C2orf76: variants seen among roughly 807,000 people sequenced by gnomAD.
C2orf76 encodes the protein UPF0538 protein C2orf76.
Under a neutral mutation model 16.9 loss-of-function variants are expected in C2orf76, and 23 were observed. The observed-to-expected ratio is 1.36, with a 90% CI of 0.98 to 1.93. The LOEUF is 1.93. Among genes scored for constraint, C2orf76 ranks in the 30% most tolerant of loss-of-function variants. The pLI is 0.00. For missense variants in C2orf76, 152 were observed against 152.6 expected (o/e 1.00, Z 0.02); for synonymous variants, 48 against 52.3 (o/e 0.92, Z 0.35).
intron 5 of C2orf76, among the ~76,000 whole-genome samples, chr2:119,302,849 T>C (rs1285009108): frequency 6.6e-6 from 1 of 152,146 alleles, no homozygotes; most frequent in Non-Finnish European, 1.5e-5. Flanking sequence ...ATCATAAAAT[T>C]GCTCATTTAC....
In C2orf76 at chr2:119,303,359, G is replaced by C. The variant is rs111541910; in HGVS notation, c.305-811C>G. Among the ~76,000 whole-genome samples, 176 of 152,346 alleles carry C rather than the reference G, an allele frequency of 1.2e-3. 2 individuals are homozygous for C. Among genetic ancestry groups the C allele is most frequent in the African/African-American group, 4.1e-3 (171 of 41,574 alleles). On this transcript the variant is annotated intron_variant, in intron 5 of 5. Coordinates refer to ENST00000334816, the MANE Select transcript of C2orf76 (RefSeq NM_001322331.2). ...TAAACATGCAATTCTTTAAGGTGTT[G>C]TGCCAACAAGTTCCACATTCATTTT...
chr2:119,306,108 C>T (rs3816343), intron 5 of C2orf76, among the ~76,000 whole-genome samples: 54,851 of 152,034 alleles, frequency 0.36, 10,308 homozygotes, highest in South Asian at 0.42. Context: ...CCCACATTAC[C>T]GAGTAACCAG....
intron 2 of C2orf76, among the ~76,000 whole-genome samples, chr2:119,326,181 G>C (rs562292808): frequency 1.3e-5 from 2 of 152,228 alleles, no homozygotes; most frequent in East Asian, 3.9e-4. Context: ...GTTTGTTGCT[G>C]TTTTCTTCTA....
chr2:119,322,659 T>C (rs1679382097), intron 2 of C2orf76, among the ~76,000 whole-genome samples: 2 of 152,104 alleles, frequency 1.3e-5, no homozygotes, highest in African/African-American at 4.8e-5. Context: ...AATCATAATA[T>C]GCCCAAACAA....
chr2:119,340,047 A>G, intron 1 of C2orf76, 76 bp from the exon 2 acceptor site: 1 of 1,482,884 alleles, frequency 6.7e-7, no homozygotes, highest in East Asian at 2.3e-5. Flanking sequence ...CTGCATCTCT[A>G]TCAGCTCTCT....
chr2:119,301,764 T>C (rs1263636052), downstream of C2orf76, among the ~76,000 whole-genome samples: 1 of 152,048 alleles, frequency 6.6e-6, no homozygotes, highest in Non-Finnish European at 1.5e-5. Flanking sequence ...CAATGAACAA[T>C]TTTCTTCCAG....
intron 2 of C2orf76, among the ~76,000 whole-genome samples, chr2:119,324,219 T>C (rs565093505): frequency 6.6e-6 from 1 of 152,136 alleles, no homozygotes; most frequent in East Asian, 1.9e-4. Context: ...ATCAAATCAG[T>C]CTTATGTTCA....
chr2:119,297,745 C>T (rs1678561731), downstream of C2orf76, among the ~76,000 whole-genome samples: 1 of 152,146 alleles, frequency 6.6e-6, no homozygotes, highest in East Asian at 1.9e-4. Context: ...TGATCACTGG[C>T]CTCGGCCTCC....
At chr2:119,284,323 A>T in the C2orf76 span, among the ~76,000 whole-genome samples, 3 of 152,200 alleles carry the variant, frequency 2.0e-5, no homozygotes, top group East Asian at 5.8e-4. Context: ...ATGCTGACAC[A>T]CCACAAAGGC....
intron 1 of C2orf76, chr2:119,366,541 C>T (rs1470654867): frequency 2.1e-6 from 1 of 469,666 alleles, no homozygotes; most frequent in Non-Finnish European, 4.4e-6. Context: ...CTCCTCTAGA[C>T]CCCAAGGGAG....
At chr2:119,337,861 A>G (rs11680267) in intron 2 of C2orf76, among the ~76,000 whole-genome samples, 85,584 of 151,940 alleles carry the variant, frequency 0.56, 24,453 homozygotes, top group African/African-American at 0.62. Flanking sequence ...TGGTACCTGG[A>G]AAGAAAAGAA....
At chr2:119,367,147 T>C, upstream of C2orf76, 1 of 1,585,120 alleles carries the variant, frequency 6.3e-7, no homozygotes, top group Non-Finnish European at 8.6e-7. Context: ...GCTCTCGGGC[T>C]CTTTCCTTCC....
the C2orf76 span, among the ~76,000 whole-genome samples, chr2:119,294,408 G>A: frequency 6.6e-6 from 1 of 152,174 alleles, no homozygotes; most frequent in Non-Finnish European, 1.5e-5. Context: ...AAGATGGGGC[G>A]GCTCTTGTGG....
intron 1 of C2orf76, among the ~76,000 whole-genome samples, chr2:119,364,625 C>T (rs1360650946): frequency 1.3e-5 from 2 of 152,080 alleles, no homozygotes; most frequent in African/African-American, 4.8e-5. Flanking sequence ...CTCCTCCTGG[C>T]TTATGTGTGT....
upstream of C2orf76, chr2:119,367,125 C>T (rs184593386): frequency 1.5e-4 from 240 of 1,605,392 alleles, 2 homozygotes; most frequent in East Asian, 4.4e-3. Flanking sequence ...GGGGCTCAGC[C>T]GGCTGCCAGA....
At chr2:119,283,715 T>G in the C2orf76 span, among the ~76,000 whole-genome samples, 1 of 152,074 alleles carries the variant, frequency 6.6e-6, no homozygotes, top group Non-Finnish European at 1.5e-5. Flanking sequence ...CCTCAAATGA[T>G]CCAACCGCCT....
intron 1 of C2orf76, among the ~76,000 whole-genome samples, chr2:119,365,539 A>C (rs1283561159): frequency 6.6e-6 from 1 of 152,222 alleles, no homozygotes; most frequent in African/African-American, 2.4e-5. Context: ...GTTAAGTCTG[A>C]AAGCGTCTAC....
chr2:119,330,614 GTAAAATTTT>G (rs1679646976), intron 2 of C2orf76, among the ~76,000 whole-genome samples: 1 of 151,920 alleles, frequency 6.6e-6, no homozygotes, highest in East Asian at 1.9e-4. Context: ...CATCATATTT[GTAAAATTTT>G]CAATCATTAT....
intron 1 of C2orf76, among the ~76,000 whole-genome samples, chr2:119,356,267 A>G (rs1453749456): frequency 6.6e-6 from 1 of 151,870 alleles, no homozygotes; most frequent in Non-Finnish European, 1.5e-5. Context: ...GCTGGGCTTG[A>G]TGGCAGGCAC....
Sources: allele counts gnomAD v4.1 joint callset (sites outside exome capture counted in the v4.1 genomes callset), GRCh38; gene constraint gnomAD v4.1.1; transcripts MANE v1.5; gene names NCBI Gene and HGNC (gene_info 2026-07-23, HGNC 2026-07-21).